The following ADGRL4 variants were observed in gnomAD, a reference collection of about 807,000 sequenced individuals.
The protein encoded by ADGRL4 is EGF, latrophilin and seven transmembrane domain containing 1.
A neutral mutation model predicts 74.8 loss-of-function variants in ADGRL4; 90 were observed. The observed-to-expected ratio is 1.20, with a 90% CI of 1.02 to 1.43. ADGRL4 has a LOEUF of 1.43. ADGRL4 is among the 40% of genes most tolerant of loss of function. The pLI, the probability that ADGRL4 is intolerant of heterozygous loss-of-function variation, is 0.00. For missense variants in ADGRL4, 881 were observed against 814.3 expected, an observed-to-expected ratio of 1.08 and a Z score of -1.00; for synonymous variants, 311 against 279.2, an observed-to-expected ratio of 1.11 and a Z score of -1.14.
chr1:79,001,531 T>C (rs1350903888), intron 2 of ADGRL4, among the ~76,000 whole-genome samples: 1 of 152,172 alleles, frequency 6.6e-6, no homozygotes, highest in African/African-American at 2.4e-5. Flanking sequence ...CTCTATATTC[T>C]GGGTATGTGC....
intron 2 of ADGRL4, among the ~76,000 whole-genome samples, chr1:78,951,783 C>G (rs1649728068): frequency 6.6e-6 from 1 of 152,120 alleles, no homozygotes; most frequent in Non-Finnish European, 1.5e-5. Flanking sequence ...ATGCTTAAGA[C>G]TGTCTGACTC....
At chr1:78,959,205 C>T (rs542667743) in intron 2 of ADGRL4, among the ~76,000 whole-genome samples, 20 of 152,254 alleles carry the variant, frequency 1.3e-4, no homozygotes, top group Middle Eastern at 3.4e-3. Flanking sequence ...TTTACAATAT[C>T]TCTGAGGTAT....
chr1:78,977,222 C>G (rs1338156625), intron 2 of ADGRL4, among the ~76,000 whole-genome samples: 3 of 151,716 alleles, frequency 2.0e-5, no homozygotes, highest in Non-Finnish European at 4.4e-5. Flanking sequence ...AACCCAACAT[C>G]CACTCATGAT....
chr1:78,923,557 A>T (rs1470540055), intron 8 of ADGRL4, among the ~76,000 whole-genome samples: 1 of 151,982 alleles, frequency 6.6e-6, no homozygotes, highest in African/African-American at 2.4e-5. Context: ...ACAAGCTCCA[A>T]CAGCAAAGAC....
chr1:78,979,181 G>A (rs968312417), intron 2 of ADGRL4, among the ~76,000 whole-genome samples: 9 of 151,934 alleles, frequency 5.9e-5, no homozygotes, highest in Non-Finnish European at 8.8e-5. Flanking sequence ...CATTGTTTAC[G>A]CAGTCATGAG....
chr1:78,921,501 G>A, intron 9 of ADGRL4, 112 bp downstream of exon 9: 1 of 551,182 alleles, frequency 1.8e-6, no homozygotes, highest in Non-Finnish European at 2.9e-6. Context: ...TATACTAAAT[G>A]TGCTATCTAA....
rs1212050618 is a variant in ADGRL4 at position 78,927,107 on chromosome 1, G to A, written c.878-16C>T. 1 of 1,475,310 alleles carries A rather than the reference G, an allele frequency of 6.8e-7. No homozygotes were observed. The highest frequency in any genetic ancestry group is 9.4e-7 in the Non-Finnish European group (1 of 1,062,080). The allele number at this position is 1,475,310 out of a possible 1,614,324, so 91.4% of individuals were successfully genotyped here. On this transcript the variant is annotated splice_polypyrimidine_tract_variant and intron_variant, in intron 7 of 14. Transcript: ENST00000370742. ...GCAACATTGCCTATCAATCAAATAA[G>A]TATATTTAGTGAAATTCTTATAAAA... is the stretch of plus-strand genomic sequence containing the variant.
Position 78,891,046 on chromosome 1 carries a change from C to T in ADGRL4, c.*108G>A. ...AAAACTGATTTAAAATACTTTTTGTCTAGTAGTTAATAATTGGATAATTTG... is the reference window on the plus strand; with the variant it reads ...AAAACTGATTTAAAATACTTTTTGTTTAGTAGTTAATAATTGGATAATTTG... On this transcript the variant is annotated 3_prime_UTR_variant, in exon 15 of 15. Transcript: ENST00000370742. 2.7e-6 allele frequency: 3 copies of T among 1,094,426 alleles called. No homozygotes were observed. Among genetic ancestry groups the T allele is most frequent in the Admixed American group, 1.8e-5 (1 of 55,662 alleles). 67.8% of individuals were successfully genotyped at this position (1,094,426 alleles called of 1,614,324 possible).
intron 12 of ADGRL4, among the ~76,000 whole-genome samples, chr1:78,900,571 G>A (rs1309416179): frequency 6.6e-6 from 1 of 152,174 alleles, no homozygotes; most frequent in African/African-American, 2.4e-5. Flanking sequence ...GCCTGGTGCA[G>A]GTGATTGAAT....
chr1:78,968,508 G>A (rs1249046496), intron 2 of ADGRL4, among the ~76,000 whole-genome samples: 14 of 139,768 alleles, frequency 1.0e-4, no homozygotes, highest in African/African-American at 3.1e-4. Flanking sequence ...GGCGGTGGGG[G>A]GGTGGGGGGG....
At chr1:78,936,455 T>C (rs894457510) in intron 6 of ADGRL4, 44 bp from the exon 7 acceptor site, 3 of 1,438,846 alleles carry the variant, frequency 2.1e-6, no homozygotes, top group Non-Finnish European at 2.8e-6. Context: ...ATTACTTTAA[T>C]CAATATACAT....
At chr1:78,962,225 C>T (rs1163827518) in intron 2 of ADGRL4, among the ~76,000 whole-genome samples, 3 of 152,130 alleles carry the variant, frequency 2.0e-5, no homozygotes, top group Admixed American at 6.5e-5. Context: ...TCCGAATATG[C>T]CTCAGTTTGC....
chr1:78,917,552 A>G (rs1164988598), intron 12 of ADGRL4, 82 bp downstream of exon 12: 7 of 803,424 alleles, frequency 8.7e-6, no homozygotes, highest in Non-Finnish European at 1.4e-5. Context: ...CTTTTTTAGA[A>G]TAACACCTTA....
At chr1:78,904,377 T>A (rs1276614833) in intron 12 of ADGRL4, among the ~76,000 whole-genome samples, 1 of 152,074 alleles carries the variant, frequency 6.6e-6, no homozygotes, top group Non-Finnish European at 1.5e-5. Flanking sequence ...AAAAATGAAA[T>A]GCTAATATTT....
intron 2 of ADGRL4, among the ~76,000 whole-genome samples, chr1:78,970,959 C>T (rs1261106828): frequency 6.6e-6 from 1 of 152,132 alleles, no homozygotes; most frequent in Non-Finnish European, 1.5e-5. Context: ...TGGTCTCCCT[C>T]TCCCTATGCA....
At chr1:78,896,020 A>G (rs1648390129) in intron 12 of ADGRL4, among the ~76,000 whole-genome samples, 1 of 152,030 alleles carries the variant, frequency 6.6e-6, no homozygotes, top group South Asian at 2.1e-4. Context: ...GCGAAGGAGG[A>G]CAACACAGAG....
At chr1:78,922,504 A>G (rs1271622851) in intron 8 of ADGRL4, among the ~76,000 whole-genome samples, 1 of 152,050 alleles carries the variant, frequency 6.6e-6, no homozygotes, top group Non-Finnish European at 1.5e-5. Context: ...TGTGATAGTT[A>G]TTCAATAAAC....
chr1:78,914,979 T>G (rs1648840850), intron 12 of ADGRL4, among the ~76,000 whole-genome samples: 1 of 151,924 alleles, frequency 6.6e-6, no homozygotes, highest in Admixed American at 6.6e-5. Context: ...GTGATCACAG[T>G]ATTTCATTTC....
chr1:78,909,575 T>C (rs1648716090), intron 12 of ADGRL4, among the ~76,000 whole-genome samples: 2 of 151,950 alleles, frequency 1.3e-5, no homozygotes, highest in Admixed American at 1.3e-4. Flanking sequence ...TGTGGAATCC[T>C]AGTTTATCAC....
Sources: gnomAD v4.1 joint callset for allele counts (sites outside exome capture counted in the v4.1 genomes callset) on GRCh38, gnomAD v4.1.1 for gene constraint, MANE v1.5 for transcripts, NCBI Gene and HGNC (gene_info 2026-07-23, HGNC 2026-07-21) for gene names.